The following INPP4B variants were observed in gnomAD, a reference collection of about 807,000 sequenced individuals.
The protein encoded by INPP4B is inositol polyphosphate 4-phosphatase type II.
In INPP4B, 55 loss-of-function variants were observed where a neutral mutation model predicts 122.5. The observed-to-expected ratio is 0.45, with a 90% confidence interval of 0.36 to 0.56. The LOEUF is 0.56. Among genes scored for constraint, INPP4B ranks in the 20% least tolerant of loss-of-function variants. The probability of loss-of-function intolerance (pLI) is 0.00; values close to 1 mark genes in which losing one functional copy is unlikely to be tolerated. For synonymous variants in INPP4B, 403 were observed against 388.7 expected (o/e 1.04, Z -0.43); for missense variants, 1,000 against 1,097.7 (o/e 0.91, Z 1.26).
intron 17 of INPP4B, among the ~76,000 whole-genome samples, chr4:142,155,643 A>AT (rs1390092718): frequency 1.3e-5 from 2 of 152,058 alleles, no homozygotes; most frequent in Non-Finnish European, 2.9e-5. Flanking sequence ...TTTTTCACTC[A>AT]TGCAGAAATT....
At chr4:142,306,070 G>T (rs1404037042) in intron 8 of INPP4B, 3 of 284,764 alleles carry the variant, frequency 1.1e-5, no homozygotes, top group Non-Finnish European at 1.1e-5. Flanking sequence ...TTCTTTACTA[G>T]CATGGGACAA....
At chr4:142,559,740 A>G (rs993806196) in intron 2 of INPP4B, among the ~76,000 whole-genome samples, 2 of 152,202 alleles carry the variant, frequency 1.3e-5, no homozygotes, top group African/African-American at 4.8e-5. Flanking sequence ...TAGACATGTC[A>G]TTAAAATACT....
At chr4:142,102,738 T>C (rs1785096092) in intron 23 of INPP4B, among the ~76,000 whole-genome samples, 1 of 152,084 alleles carries the variant, frequency 6.6e-6, no homozygotes. Context: ...ATGAGAGGCC[T>C]AGTCCTCTTC....
chr4:142,049,237 A>G (rs1753177373), intron 25 of INPP4B, among the ~76,000 whole-genome samples: 1 of 152,080 alleles, frequency 6.6e-6, no homozygotes, highest in Admixed American at 6.6e-5. Context: ...TGTTACATGT[A>G]TTTTACTTTC....
chr4:142,285,267 T>C (rs1753005297), intron 9 of INPP4B, among the ~76,000 whole-genome samples: 1 of 152,026 alleles, frequency 6.6e-6, no homozygotes, highest in Admixed American at 6.6e-5. Context: ...GGCACCCCTG[T>C]GGCTACTGAA....
chr4:142,279,331 C>T (rs1047059833), intron 9 of INPP4B, among the ~76,000 whole-genome samples: 1 of 151,570 alleles, frequency 6.6e-6, no homozygotes, highest in Non-Finnish European at 1.5e-5. Context: ...AAAGACAAAA[C>T]AGTATTGGAA....
At chr4:142,543,954 A>C (rs1829234690) in intron 2 of INPP4B, among the ~76,000 whole-genome samples, 1 of 152,148 alleles carries the variant, frequency 6.6e-6, no homozygotes, top group South Asian at 2.1e-4. Context: ...TGCTTGGCTG[A>C]TATAGCCTTC....
At chr4:142,343,799 T>C (rs1395031241) in intron 7 of INPP4B, among the ~76,000 whole-genome samples, 2 of 152,158 alleles carry the variant, frequency 1.3e-5, no homozygotes, top group African/African-American at 2.4e-5. Context: ...TGACCCTTTT[T>C]AGTTTCTAGT....
intron 9 of INPP4B, among the ~76,000 whole-genome samples, chr4:142,271,035 C>A (rs111842555): frequency 0.038 from 5,810 of 151,740 alleles, 367 homozygotes; most frequent in African/African-American, 0.13. Context: ...GTGATCTCAG[C>A]TCACCACAAC....
chr4:142,693,387 C>T (rs964259097), intron 2 of INPP4B, among the ~76,000 whole-genome samples: 4 of 151,434 alleles, frequency 2.6e-5, no homozygotes, highest in African/African-American at 9.7e-5. Flanking sequence ...AAGGGCTCCA[C>T]CCTAAAACCA....
intron 2 of INPP4B, among the ~76,000 whole-genome samples, chr4:142,571,048 A>C (rs1732689688): frequency 6.6e-6 from 1 of 150,382 alleles, no homozygotes; most frequent in South Asian, 2.1e-4. Context: ...AGACTATCCC[A>C]AAGAATTCCA....
intron 14 of INPP4B, among the ~76,000 whole-genome samples, chr4:142,196,815 C>T (rs1838430047): frequency 6.6e-6 from 1 of 152,008 alleles, no homozygotes; most frequent in African/African-American, 2.4e-5. Flanking sequence ...TCCAATTCTT[C>T]CTTGGTCACA....
chr4:142,544,130 G>GAGTGTGTGTGT (rs55638202), intron 2 of INPP4B, among the ~76,000 whole-genome samples: 2 of 133,222 alleles, frequency 1.5e-5, no homozygotes, highest in Non-Finnish European at 3.1e-5. Flanking sequence ...GTGTGTGTGT[G>GAGTGTGTGTGT]GTGTGTGTGT....
chr4:142,608,363 A>G lies in INPP4B; in HGVS notation c.-191+117476T>C, dbSNP rs140661676. On this transcript the variant is annotated intron_variant, in intron 2 of 25. Coordinates refer to ENST00000262992, the MANE Select transcript of INPP4B (RefSeq NM_001101669.3). ...ATTATAGTGAGTTGGAAGAAAATGT[A>G]TTAAAAACAAACATGATAATGTCAA... 2.5e-4 allele frequency among the ~76,000 whole-genome samples: 38 copies of G among 152,334 alleles called. 1 individual carries two copies. Among genetic ancestry groups the G allele is most frequent in the African/African-American group, 8.9e-4 (37 of 41,584 alleles).
chr4:142,355,436 A>G (rs1388367646), intron 7 of INPP4B, among the ~76,000 whole-genome samples: 1 of 151,980 alleles, frequency 6.6e-6, no homozygotes, highest in Non-Finnish European at 1.5e-5. Context: ...ATTTATTCAG[A>G]TATTTCAGTA....
At chr4:142,118,936 C>T (rs1341334112) in intron 21 of INPP4B, among the ~76,000 whole-genome samples, 2 of 152,004 alleles carry the variant, frequency 1.3e-5, no homozygotes, top group Non-Finnish European at 2.9e-5. Flanking sequence ...AGAACTTAAA[C>T]AAATTTACAA....
At chr4:142,135,456 G>A (rs890709073) in intron 18 of INPP4B, among the ~76,000 whole-genome samples, 2 of 152,128 alleles carry the variant, frequency 1.3e-5, no homozygotes, top group Non-Finnish European at 2.9e-5. Flanking sequence ...AGATTTATTT[G>A]AAAAATCAGA....
intron 2 of INPP4B, among the ~76,000 whole-genome samples, chr4:142,509,091 A>C (rs1824384220): frequency 6.6e-6 from 1 of 152,222 alleles, no homozygotes; most frequent in Non-Finnish European, 1.5e-5. Context: ...ACATGAGTGG[A>C]ACCAATACAA....
chr4:142,405,397 G>C (rs2149195758), intron 5 of INPP4B, 73 bp from the exon 6 acceptor site: 1 of 907,276 alleles, frequency 1.1e-6, no homozygotes, highest in Admixed American at 1.9e-5. Flanking sequence ...GCGCCGGGCT[G>C]AAAGTGAACT....
Sources: gnomAD v4.1 joint callset for allele counts (sites outside exome capture counted in the v4.1 genomes callset) on GRCh38, gnomAD v4.1.1 for gene constraint, MANE v1.5 for transcripts, NCBI Gene and HGNC (gene_info 2026-07-23, HGNC 2026-07-21) for gene names.